The following MIR2052HG variants were observed in gnomAD, a reference collection of about 807,000 sequenced individuals.
MIR2052HG encodes MIR2052 host gene.
chr8:74,693,609 G>T (rs1317274304), intron 2 of MIR2052HG, among the ~76,000 whole-genome samples: 1 of 150,146 alleles, frequency 6.7e-6, no homozygotes, highest in African/African-American at 2.5e-5. Context: ...TATTGCGGGG[G>T]CGGGGGGGGA....
intron 1 of MIR2052HG, among the ~76,000 whole-genome samples, chr8:74,602,858 TTTC>T: frequency 3.4e-5 from 5 of 145,086 alleles, no homozygotes; most frequent in Admixed American, 7.0e-5. Context: ...TCTTTCTTTC[TTTC>T]TTTCTTTCTT....
intron 2 of MIR2052HG, among the ~76,000 whole-genome samples, chr8:74,647,493 A>C (rs2128735842): frequency 6.6e-6 from 1 of 152,342 alleles, no homozygotes; most frequent in African/African-American, 2.4e-5. Flanking sequence ...CCAAGCTGTA[A>C]GTTTCTGGAA....
intron 2 of MIR2052HG, among the ~76,000 whole-genome samples, chr8:74,628,147 C>T (rs1808460667): frequency 6.6e-6 from 1 of 152,124 alleles, no homozygotes; most frequent in Non-Finnish European, 1.5e-5. Flanking sequence ...AAAATTAGAA[C>T]AGATACCTAT....
intron 2 of MIR2052HG, among the ~76,000 whole-genome samples, chr8:74,659,826 A>G (rs191070215): frequency 1.3e-5 from 2 of 152,258 alleles, no homozygotes; most frequent in Admixed American, 6.5e-5. Flanking sequence ...GAATTGTTCT[A>G]ATTTCTCAAT....
At chr8:74,668,412 T>C (rs1366460287) in intron 2 of MIR2052HG, among the ~76,000 whole-genome samples, 1 of 152,218 alleles carries the variant, frequency 6.6e-6, no homozygotes, top group Non-Finnish European at 1.5e-5. Flanking sequence ...TTAGAAAATT[T>C]GAAAACTTAC....
chr8:74,677,546 T>G (rs1047445621), intron 2 of MIR2052HG, among the ~76,000 whole-genome samples: 15 of 151,986 alleles, frequency 9.9e-5, no homozygotes, highest in Non-Finnish European at 4.4e-5. Flanking sequence ...CAACAAAAAT[T>G]AACATATCAA....
At chr8:74,681,624 C>T (rs1412811062) in intron 2 of MIR2052HG, among the ~76,000 whole-genome samples, 1 of 152,050 alleles carries the variant, frequency 6.6e-6, no homozygotes, top group African/African-American at 2.4e-5. Context: ...CATGCTATTA[C>T]CTCTTGGGAA....
intron 2 of MIR2052HG, among the ~76,000 whole-genome samples, chr8:74,664,949 C>A (rs1808906292): frequency 6.6e-6 from 1 of 152,170 alleles, no homozygotes. Flanking sequence ...TCATAGTGAA[C>A]CTTCTAAGTA....
At chr8:74,637,136 G>T (rs576612673) in intron 2 of MIR2052HG, among the ~76,000 whole-genome samples, 2 of 152,198 alleles carry the variant, frequency 1.3e-5, no homozygotes, top group South Asian at 4.1e-4. Flanking sequence ...ATTCAGAAAG[G>T]TTTCATAGAA....
At chr8:74,739,638 T>A (rs1235639702) in intron 4 of MIR2052HG, among the ~76,000 whole-genome samples, 1 of 152,238 alleles carries the variant, frequency 6.6e-6, no homozygotes, top group South Asian at 2.1e-4. Flanking sequence ...ATCAAACACA[T>A]TTTAGTTTGG....
intron 2 of MIR2052HG, among the ~76,000 whole-genome samples, chr8:74,635,588 A>G (rs544139745): frequency 1.6e-4 from 25 of 152,336 alleles, no homozygotes; most frequent in African/African-American, 5.8e-4. Flanking sequence ...AACTGGGGTC[A>G]TCTTTAATGC....
chr8:74,611,149 T>C (rs375580611), intron 1 of MIR2052HG, among the ~76,000 whole-genome samples: 17 of 152,036 alleles, frequency 1.1e-4, no homozygotes, highest in East Asian at 1.9e-4. Flanking sequence ...TAATGTAATA[T>C]TGGCAAAATA....
chr8:74,691,892 T>A (rs1436307182), intron 2 of MIR2052HG, among the ~76,000 whole-genome samples: 2 of 152,176 alleles, frequency 1.3e-5, no homozygotes, highest in African/African-American at 4.8e-5. Flanking sequence ...ATTAGTTATA[T>A]TTTTATTTTA....
chr8:74,613,570 C>T lies in MIR2052HG; in HGVS notation n.216+630C>T, dbSNP rs180832743. 2.7e-3 allele frequency among the ~76,000 whole-genome samples: 416 copies of T among 152,202 alleles called. 1 individual carries two copies. Among genetic ancestry groups the T allele is most frequent in the Middle Eastern group, 6.8e-3 (2 of 294 alleles). On this transcript the variant is annotated intron_variant and non_coding_transcript_variant, in intron 2 of 6. Coordinates refer to ENST00000523442, the Ensembl canonical transcript of MIR2052HG. ...CAGGATCTTGGCTCACTGCAACTTCCGCCTCCCGGGTTCAAGCAATTCTCC... is the reference window on the plus strand; with the variant it reads ...CAGGATCTTGGCTCACTGCAACTTCTGCCTCCCGGGTTCAAGCAATTCTCC...
At chr8:74,678,205 G>A (rs1245679248) in intron 2 of MIR2052HG, among the ~76,000 whole-genome samples, 2 of 152,082 alleles carry the variant, frequency 1.3e-5, no homozygotes, top group Admixed American at 6.6e-5. Flanking sequence ...TTACATACCA[G>A]TTATACTAAG....
chr8:74,658,230 G>A (rs910308912), intron 2 of MIR2052HG, among the ~76,000 whole-genome samples: 1 of 151,920 alleles, frequency 6.6e-6, no homozygotes, highest in Non-Finnish European at 1.5e-5. Context: ...CCCTTCCTCT[G>A]CCCTGACTTT....
chr8:74,728,312 G>A (rs1490298391), intron 4 of MIR2052HG, among the ~76,000 whole-genome samples: 1 of 152,172 alleles, frequency 6.6e-6, no homozygotes. Flanking sequence ...TCTTTCCTCG[G>A]CTTCACTTAT....
chr8:74,652,737 A>C (rs957427348), intron 2 of MIR2052HG, among the ~76,000 whole-genome samples: 1 of 152,224 alleles, frequency 6.6e-6, no homozygotes, highest in Non-Finnish European at 1.5e-5. Context: ...TAGGCTATTC[A>C]TACTTGTGCA....
chr8:74,609,461 C>CA (rs1212114851), intron 1 of MIR2052HG, among the ~76,000 whole-genome samples: 1 of 151,742 alleles, frequency 6.6e-6, no homozygotes, highest in African/African-American at 2.4e-5. Context: ...CAGCATTACT[C>CA]AAACACCAAA....
Sources: allele counts gnomAD v4.1 joint callset (sites outside exome capture counted in the v4.1 genomes callset), GRCh38; gene constraint gnomAD v4.1.1; transcripts MANE v1.5; gene names NCBI Gene and HGNC (gene_info 2026-07-23, HGNC 2026-07-21).